Variants in SLC7A11 observed in about 807,000 individuals in gnomAD.
The protein encoded by SLC7A11 is solute carrier family 7 member 11, also known as cystine/glutamate transporter.
SLC7A11 carries 35 observed loss-of-function variants against 54.5 expected under a neutral mutation model. The ratio of observed to expected loss-of-function variants is 0.64; its 90% CI spans 0.49 to 0.85. SLC7A11 has a LOEUF of 0.85. Ranked by LOEUF, SLC7A11 falls within the 40% of genes least tolerant of loss-of-function variation. SLC7A11 has a pLI of 0.00. For missense variants in SLC7A11, 583 were observed against 618.1 expected (o/e 0.94, Z 0.60); for synonymous variants, 230 against 225.2 (o/e 1.02, Z -0.19).
intron 2 of SLC7A11, among the ~76,000 whole-genome samples, chr4:138,233,422 G>T (rs1187077128): frequency 6.6e-6 from 1 of 152,098 alleles, no homozygotes; most frequent in Non-Finnish European, 1.5e-5. Context: ...CTGACCTGAT[G>T]ATCCACCTGC....
intron 3 of SLC7A11, among the ~76,000 whole-genome samples, chr4:138,223,641 ATGTCT>A (rs1737871738): frequency 6.6e-6 from 1 of 152,178 alleles, no homozygotes; most frequent in Non-Finnish European, 1.5e-5. Context: ...TCACATAAAA[ATGTCT>A]TCTAACCAAA....
chr4:138,234,643 C>A (rs914536746), intron 2 of SLC7A11, among the ~76,000 whole-genome samples: 4 of 151,892 alleles, frequency 2.6e-5, no homozygotes, highest in Admixed American at 2.0e-4. Context: ...TTTTAGATCT[C>A]TTTTTATTGC....
At chr4:138,172,160 T>G in intron 11 of SLC7A11, 143 bp from the exon 12 acceptor site, 3 of 848,476 alleles carry the variant, frequency 3.5e-6, no homozygotes, top group Non-Finnish European at 5.0e-6. Context: ...ATTTACTTCA[T>G]TAGAATTCTA....
chr4:138,219,195 GGC>G, intron 5 of SLC7A11, 69 bp downstream of exon 5: 4 of 838,676 alleles, frequency 4.8e-6, no homozygotes, highest in Non-Finnish European at 6.0e-6. Context: ...CACCTTGCTT[GGC>G]ACTTAATCTG....
intron 6 of SLC7A11, among the ~76,000 whole-genome samples, chr4:138,197,972 TATC>T (rs1737181570): frequency 6.7e-6 from 1 of 150,208 alleles, no homozygotes; most frequent in South Asian, 2.1e-4. Flanking sequence ...AAATAAAAAG[TATC>T]ATCAATATAA....
rs1736235021 is a variant in SLC7A11 at position 138,165,576 on chromosome 4, G to A, written c.*6380C>T. The A allele has an allele frequency of 6.6e-6, 1 of 152,148 alleles. No individual in the cohort carries two copies. Among genetic ancestry groups the A allele is most frequent in the Non-Finnish European group, 1.5e-5 (1 of 67,984 alleles). The allele number at this position is 152,148 out of a possible 1,614,324, so 9.4% of individuals were successfully genotyped here. On this transcript the variant is annotated 3_prime_UTR_variant, in exon 12 of 12. Transcript: ENST00000280612. ...GCTCATATTTGCAAAGTTCCCAAAT[G>A]TTGAGAAGTTCTAGTGAAAAGTCAT...
At chr4:138,173,583 G>A (rs1254584252) in intron 11 of SLC7A11, among the ~76,000 whole-genome samples, 4 of 151,444 alleles carry the variant, frequency 2.6e-5, no homozygotes, top group Admixed American at 1.3e-4. Flanking sequence ...GCTGTAAGCC[G>A]AGATTGCACC....
intron 6 of SLC7A11, among the ~76,000 whole-genome samples, chr4:138,200,843 G>A (rs1219798132): frequency 1.3e-5 from 2 of 152,094 alleles, no homozygotes; most frequent in African/African-American, 2.4e-5. Context: ...TGTGTGAATA[G>A]AAGAAGGTAA....
At chr4:138,207,007 A>AAAC (rs1553943859) in intron 6 of SLC7A11, among the ~76,000 whole-genome samples, 3 of 151,102 alleles carry the variant, frequency 2.0e-5, no homozygotes, top group Admixed American at 6.6e-5. Flanking sequence ...AAAAAAAAAA[A>AAAC]AAAAACCCCC....
At position 138,241,845 on chromosome 4, in the gene SLC7A11, G is replaced by A. The variant is rs1307224409; in HGVS notation, c.225C>T (p.Ser75=). Residue 75 remains serine (S), a synonymous_variant, in exon 1 of 12, where the codon AGC becomes AGT. Coordinates refer to ENST00000280612, the MANE Select transcript of SLC7A11 (RefSeq NM_014331.4). ...SPKGVLQNTG[S]VGMSLTIWTV... ...TCCAGATGGTCAGAGACATGCCCAC[G>A]CTGCCCGTGTTCTGGAGCACGCCCT... 2 of 1,614,066 alleles carry A rather than the reference G, an allele frequency of 1.2e-6. No homozygotes were observed. Among genetic ancestry groups the A allele is most frequent in the South Asian group, 1.1e-5 (1 of 91,084 alleles).
intron 6 of SLC7A11, among the ~76,000 whole-genome samples, chr4:138,214,104 G>T (rs1289913376): frequency 6.6e-6 from 1 of 151,870 alleles, no homozygotes; most frequent in East Asian, 1.9e-4. Flanking sequence ...AATTTATAAG[G>T]TCCTATAACA....
chr4:138,238,463 A>G (rs1422576119), intron 1 of SLC7A11, among the ~76,000 whole-genome samples: 1 of 152,256 alleles, frequency 6.6e-6, no homozygotes, highest in Non-Finnish European at 1.5e-5. Flanking sequence ...GTAGAAAAGT[A>G]CTACTGATTA....
At chr4:138,172,710 G>A (rs967925209) in intron 11 of SLC7A11, among the ~76,000 whole-genome samples, 6 of 152,182 alleles carry the variant, frequency 3.9e-5, no homozygotes, top group Non-Finnish European at 7.3e-5. Context: ...TGGCTCCAGT[G>A]TTCAGAAGGA....
rs200004843 is a variant in SLC7A11 at position 138,239,606 on chromosome 4, G to A, written c.277+2187C>T. Reference sequence around the variant, plus strand: ...AGATTAATACAAGAGCACACTCCCTGCAATTACTAATCAAAGAATACCAAC... The same window carrying A: ...AGATTAATACAAGAGCACACTCCCTACAATTACTAATCAAAGAATACCAAC... On this transcript the variant is annotated intron_variant, in intron 1 of 11. Coordinates refer to ENST00000280612, the MANE Select transcript of SLC7A11 (RefSeq NM_014331.4). 3.3e-5 allele frequency among the ~76,000 whole-genome samples: 5 copies of A among 152,096 alleles called. No individual in the cohort carries two copies. In the East Asian group the frequency reaches 9.6e-4, roughly 29 times the overall value.
chr4:138,213,545 ATC>A (rs1026831394), intron 6 of SLC7A11, among the ~76,000 whole-genome samples: 3 of 144,286 alleles, frequency 2.1e-5, no homozygotes, highest in African/African-American at 5.5e-5. Flanking sequence ...CTCTCTCTCT[ATC>A]TCTCTCTCTC....
chr4:138,217,165 T>C (rs565941253), intron 5 of SLC7A11, among the ~76,000 whole-genome samples: 1 of 152,162 alleles, frequency 6.6e-6, no homozygotes, highest in Non-Finnish European at 1.5e-5. Context: ...CAACAACCTG[T>C]TATAGAAACA....
chr4:138,224,798 AGAAGGAAGGAAGGATGAAAGGAAG>A (rs1006963545), intron 3 of SLC7A11, among the ~76,000 whole-genome samples: 5 of 132,488 alleles, frequency 3.8e-5, no homozygotes, highest in African/African-American at 1.4e-4. Flanking sequence ...AAGAAGGAAA[AGAAGGAAGGAAGGATGAAAGGAAG>A]GAAGGAAGGA....
At chr4:138,230,965 A>G (rs544393540) in intron 3 of SLC7A11, among the ~76,000 whole-genome samples, 1 of 152,324 alleles carries the variant, frequency 6.6e-6, no homozygotes, top group African/African-American at 2.4e-5. Flanking sequence ...ATGTTTTTCC[A>G]AAAGTATAAA....
Position 138,171,862 on chromosome 4 carries a change from A to G in SLC7A11, c.*94T>C. On this transcript the variant is annotated 3_prime_UTR_variant, in exon 12 of 12. Coordinates refer to ENST00000280612, the MANE Select transcript of SLC7A11 (RefSeq NM_014331.4). The stretch of plus-strand genomic sequence containing the variant: ...AACTGACTCCTTTTGTTTATCACCA[A>G]AGTTGTAATTCTCTAGACTTTCAGA... 6.7e-7 allele frequency: 1 copy of G among 1,483,944 alleles called. No individual in the cohort carries two copies. Among genetic ancestry groups the G allele is most frequent in the South Asian group, 1.3e-5 (1 of 74,756 alleles). The allele number at this position is 1,483,944 out of a possible 1,614,324, so 91.9% of individuals were successfully genotyped here.
Sources: gnomAD v4.1 joint callset for allele counts (sites outside exome capture counted in the v4.1 genomes callset) on GRCh38, gnomAD v4.1.1 for gene constraint, MANE v1.5 for transcripts, NCBI Gene and HGNC (gene_info 2026-07-23, HGNC 2026-07-21) for gene names.